The following UGT1A8 variants were observed in gnomAD, a reference collection of about 807,000 sequenced individuals.
UGT1A8 encodes the protein UDP-glucuronosyltransferase 1A8.
A neutral mutation model predicts 45.3 loss-of-function variants in UGT1A8; 39 were observed. That is an observed-to-expected ratio of 0.86 (90% confidence interval 0.67 to 1.12). The LOEUF (loss-of-function observed/expected upper bound fraction) is 1.12. Ranked by LOEUF, UGT1A8 falls within the 50% of genes most tolerant of loss-of-function variation. UGT1A8 has a pLI of 0.00. For missense variants in UGT1A8, 719 were observed against 664.9 expected, an observed-to-expected ratio of 1.08 and a Z score of -0.90; for synonymous variants, 275 against 249.2, an observed-to-expected ratio of 1.10 and a Z score of -0.97.
At chr2:233,729,252 CA>C (rs761976281) in intron 1 of UGT1A8, 199 of 1,614,124 alleles carry the variant, frequency 1.2e-4, no homozygotes, top group Non-Finnish European at 1.6e-4. Context: ...GCCACTGGCT[CA>C]GCATGCGGGA....
chr2:233,618,480 T>C lies in UGT1A8; in HGVS notation c.773T>C (p.Val258Ala). ...TSIWLLRTDF[V>A]LDYPKPVMPN... The stretch of plus-strand genomic sequence containing the variant: ...ATTTGGTTGTTGCGAACAGACTTTG[T>C]TTTGGACTATCCCAAACCCGTGATG... The change falls in exon 1 of 5, where the codon GTT (valine) becomes GCT (alanine). Residue 258 changes from valine (V) to alanine (A), a missense_variant. By Grantham distance (64) the Val-to-Ala change is moderately conservative (BLOSUM62 0). Transcript: ENST00000373450. The C allele has an allele frequency of 6.2e-7, 1 of 1,613,946 alleles. No homozygotes were observed. Among genetic ancestry groups the C allele is most frequent in the Non-Finnish European group, 8.5e-7 (1 of 1,179,828 alleles).
intron 4 of UGT1A8, chr2:233,770,632 T>G (rs561537548): frequency 1.3e-5 from 2 of 150,950 alleles, no homozygotes; most frequent in Admixed American, 6.6e-5. Flanking sequence ...CACTCCAGCC[T>G]GGGCGACAGA....
chr2:233,637,541 A>T (rs528410182), intron 1 of UGT1A8, among the ~76,000 whole-genome samples: 1 of 152,368 alleles, frequency 6.6e-6, no homozygotes, highest in East Asian at 1.9e-4. Context: ...CAATTATCAA[A>T]TTTTATAAAA....
intron 1 of UGT1A8, among the ~76,000 whole-genome samples, chr2:233,694,798 TC>T (rs2075241848): frequency 1.3e-5 from 2 of 152,218 alleles, no homozygotes; most frequent in Non-Finnish European, 2.9e-5. Context: ...CTGAAATGGT[TC>T]CAGGGATTCT....
chr2:233,771,872 A>G (rs1206206288), intron 4 of UGT1A8, among the ~76,000 whole-genome samples: 1 of 140,570 alleles, frequency 7.1e-6, no homozygotes, highest in East Asian at 2.2e-4. Flanking sequence ...AACATTTATT[A>G]AGAATAAGTT....
chr2:233,677,177 C>A (rs1226149365), intron 1 of UGT1A8, among the ~76,000 whole-genome samples: 3 of 152,138 alleles, frequency 2.0e-5, no homozygotes, highest in Admixed American at 2.0e-4. Context: ...AATTCATTAA[C>A]ATATCTTTTT....
In UGT1A8 at chr2:233,672,788, T is replaced by C. The variant is rs753335727; in HGVS notation, c.855+54226T>C. 4 of 1,613,150 alleles carry C rather than the reference T, an allele frequency of 2.5e-6. No homozygotes were observed. In the South Asian group the frequency reaches 4.4e-5, roughly 18 times the overall value. ...TGCCATCAGGGAAAGCCGTTGCCTA[T>C]GGTAAGTTATCTCTCCTTTAGCACC... On this transcript the variant is annotated intron_variant, in intron 1 of 4. Transcript: ENST00000373450.
chr2:233,628,359 C>T (rs1438884975), intron 1 of UGT1A8, among the ~76,000 whole-genome samples: 2 of 151,764 alleles, frequency 1.3e-5, no homozygotes, highest in Admixed American at 1.3e-4. Flanking sequence ...AAAATTTTTG[C>T]AATATATTTA....
At chr2:233,636,642 C>T (rs1559317931) in intron 1 of UGT1A8, 2 of 1,614,098 alleles carry the variant, frequency 1.2e-6, no homozygotes, top group Admixed American at 1.7e-5. Context: ...ACTGGTTCAC[C>T]ATGCAGTCGG....
intron 1 of UGT1A8, chr2:233,717,684 G>A: frequency 2.3e-6 from 1 of 439,992 alleles, no homozygotes; most frequent in South Asian, 1.6e-5. Flanking sequence ...GCACATGTAG[G>A]AGTGACTTTC....
rs547291485 is a variant in UGT1A8, at chr2:233,711,384, G to C, written c.856-55650G>C. 6.2e-3 allele frequency among the ~76,000 whole-genome samples: 952 copies of C among 152,360 alleles called. 6 individuals carry two copies. Among genetic ancestry groups the C allele is most frequent in the Non-Finnish European group, 0.012 (789 of 68,018 alleles). ...TGAATGTGGTGAGAGCACCCTCCCA[G>C]GTGTGTTCCACCCTCACCCCGGGCT... On this transcript the variant is annotated intron_variant, in intron 1 of 4. Transcript: ENST00000373450.
intron 1 of UGT1A8, chr2:233,729,832 T>C: frequency 6.2e-7 from 1 of 1,613,940 alleles, no homozygotes; most frequent in Non-Finnish European, 8.5e-7. Flanking sequence ...AAGCCTTGCC[T>C]CTGAGCTTTT....
chr2:233,692,608 C>T (rs1023315562), intron 1 of UGT1A8, among the ~76,000 whole-genome samples: 10 of 152,156 alleles, frequency 6.6e-5, no homozygotes, highest in Non-Finnish European at 1.3e-4. Flanking sequence ...GAAAAATTCC[C>T]GCACATCATG....
In UGT1A8 at chr2:233,636,872, T is replaced by C. The variant is rs377463132; in HGVS notation, c.855+18310T>C. 6.3e-5 allele frequency: 102 copies of C among 1,614,012 alleles called. No individual in the cohort carries two copies. The highest frequency in any genetic ancestry group is 8.0e-5 in the Non-Finnish European group (94 of 1,180,026). ...TTAATGAGTTCATCCAGTGGTTTTC[T>C]TGACTTATTTTTTTCGCATTGCAGG... On this transcript the variant is annotated intron_variant, in intron 1 of 4. Coordinates refer to ENST00000373450, the MANE Select transcript of UGT1A8 (RefSeq NM_019076.5).
intron 1 of UGT1A8, among the ~76,000 whole-genome samples, chr2:233,703,977 G>T (rs139887897): frequency 0.027 from 4,130 of 151,638 alleles, 94 homozygotes; most frequent in African/African-American, 0.047. Context: ...TGCAACCTCC[G>T]CCTCCTGGGT....
intron 1 of UGT1A8, among the ~76,000 whole-genome samples, chr2:233,647,156 G>A (rs888128558): frequency 1.3e-5 from 2 of 152,056 alleles, no homozygotes. Context: ...AGAACATCAC[G>A]GGAAACGCCC....
intron 1 of UGT1A8, among the ~76,000 whole-genome samples, chr2:233,620,487 T>C (rs2072982529): frequency 4.6e-5 from 7 of 152,132 alleles, no homozygotes. Context: ...GTATATATGA[T>C]TTTATATCAC....
chr2:233,637,122 C>A, intron 1 of UGT1A8: 1 of 1,613,954 alleles, frequency 6.2e-7, no homozygotes, highest in Non-Finnish European at 8.5e-7. Context: ...TCTCAGATGC[C>A]ATGACTTTCA....
chr2:233,724,544 T>C (rs2077280131), intron 1 of UGT1A8, among the ~76,000 whole-genome samples: 1 of 117,026 alleles, frequency 8.5e-6, no homozygotes, highest in African/African-American at 3.6e-5. Flanking sequence ...GCAGAGGCGC[T>C]CCTCACATCC....
Sources: allele counts gnomAD v4.1 joint callset (sites outside exome capture counted in the v4.1 genomes callset), GRCh38; gene constraint gnomAD v4.1.1; transcripts MANE v1.5; gene names NCBI Gene and HGNC (gene_info 2026-07-23, HGNC 2026-07-21).